The following POLN variants were observed in gnomAD, a reference collection of about 807,000 sequenced individuals.
The protein encoded by POLN is DNA polymerase nu.
Under a neutral mutation model 113.5 loss-of-function variants are expected in POLN, and 108 were observed. The ratio of observed to expected loss-of-function variants is 0.95; its 90% CI spans 0.81 to 1.12. POLN has a LOEUF of 1.12. POLN is among the 50% of genes most tolerant of loss of function. The probability of loss-of-function intolerance (pLI) is 0.00; values close to 1 mark genes in which losing one functional copy is unlikely to be tolerated. For missense variants in POLN, 1,097 were observed against 1,077.1 expected, an observed-to-expected ratio of 1.02 and a Z score of -0.26; for synonymous variants, 386 against 391.5, an observed-to-expected ratio of 0.99 and a Z score of 0.17.
chr4:2,224,794 T>C (rs1734343348), intron 3 of POLN, among the ~76,000 whole-genome samples: 1 of 151,880 alleles, frequency 6.6e-6, no homozygotes, highest in Non-Finnish European at 1.5e-5. Flanking sequence ...CCACTAAAAA[T>C]ACAAAAATTA....
intron 16 of POLN, among the ~76,000 whole-genome samples, chr4:2,134,304 T>A (rs1347500420): frequency 6.6e-6 from 1 of 152,224 alleles, no homozygotes; most frequent in African/African-American, 2.4e-5. Context: ...TGATTATGAA[T>A]AAAGATGCCA....
At chr4:2,237,235 A>T (rs1734797190) in intron 2 of POLN, among the ~76,000 whole-genome samples, 1 of 151,792 alleles carries the variant, frequency 6.6e-6, no homozygotes, top group African/African-American at 2.4e-5. Flanking sequence ...GTTCAAGACC[A>T]GACTTGGCAA....
Position 2,210,632 on chromosome 4 carries a change from A to AT in POLN, c.214-2146_214-2145insA, listed in dbSNP as rs200675785. ...AATAATAATAATAATAATAATAATA[A>AT]AAAAAAGAGGCCGGGCATGGTGGCT... On this transcript the variant is annotated intron_variant, in intron 4 of 25. Transcript: ENST00000511885. 6.3e-3 allele frequency among the ~76,000 whole-genome samples: 526 copies of AT among 84,112 alleles called. 5 individuals are homozygous for AT. Among genetic ancestry groups the AT allele is most frequent in the East Asian group, 0.062 (111 of 1,792 alleles). The allele number at this position is 84,112 out of a possible 152,430, so 55.2% of individuals were successfully genotyped here.
intron 16 of POLN, among the ~76,000 whole-genome samples, chr4:2,156,133 A>T (rs986670597): frequency 2.6e-5 from 4 of 152,198 alleles, no homozygotes; most frequent in African/African-American, 9.7e-5. Context: ...CGCCTGGCCT[A>T]AAAAATTGTA....
At chr4:2,160,240 T>C (rs561620521) in intron 13 of POLN, among the ~76,000 whole-genome samples, 2 of 152,326 alleles carry the variant, frequency 1.3e-5, no homozygotes, top group East Asian at 3.9e-4. Context: ...ATTTGACTAA[T>C]TGTATATCTT....
intron 20 of POLN, among the ~76,000 whole-genome samples, chr4:2,086,754 C>G (rs566412731): frequency 9.5e-4 from 144 of 152,306 alleles, no homozygotes; most frequent in African/African-American, 3.3e-3. Context: ...GCCTGAGGAC[C>G]TGCCTTCCTG....
intron 17 of POLN, among the ~76,000 whole-genome samples, chr4:2,130,531 A>G (rs1305659146): frequency 1.3e-5 from 2 of 152,244 alleles, no homozygotes; most frequent in African/African-American, 2.4e-5. Flanking sequence ...GCTTAAAAGA[A>G]AGAAGAGTGT....
Position 2,127,155 on chromosome 4 carries a change from G to A in POLN, c.1982+958C>T, listed in dbSNP as rs1245514689. Among the ~76,000 whole-genome samples the A allele has an allele frequency of 1.3e-5, 2 of 151,740 alleles. No homozygotes were observed. Among genetic ancestry groups the A allele is most frequent in the Non-Finnish European group, 2.9e-5 (2 of 67,926 alleles). On this transcript the variant is annotated intron_variant, in intron 19 of 25. Coordinates refer to ENST00000511885, the MANE Select transcript of POLN (RefSeq NM_181808.4). The surrounding 1 kb of genome is among the most constrained non-coding windows in gnomAD (Gnocchi z 4.7). ...GTAGGGAGGGGTGAGGGGGCCATAGGGAGGGGTGAGGGGGCCGTAGGGGGA... is the reference window on the plus strand; with the variant it reads ...GTAGGGAGGGGTGAGGGGGCCATAGAGAGGGGTGAGGGGGCCGTAGGGGGA...
At chr4:2,165,010 C>G (rs1732695230) in intron 13 of POLN, among the ~76,000 whole-genome samples, 2 of 152,118 alleles carry the variant, frequency 1.3e-5, no homozygotes, top group Non-Finnish European at 2.9e-5. Flanking sequence ...CCCAGGAAGA[C>G]AGTTTGGCGG....
chr4:2,098,918 G>GCA lies in POLN; in HGVS notation c.1983-2987_1983-2986dup, dbSNP rs4031130. Among the ~76,000 whole-genome samples the GCA allele has an allele frequency of 2.4e-3, 355 of 150,008 alleles. 5 individuals are homozygous for GCA. Among genetic ancestry groups the GCA allele is most frequent in the Middle Eastern group, 3.4e-3 (1 of 290 alleles). ...TGTGTGTGCACATGCACGTGCGTGC[G>GCA]CACACACACACACACACACACACAC... is the stretch of plus-strand genomic sequence containing the variant. On this transcript the variant is annotated intron_variant, in intron 19 of 25. Transcript: ENST00000511885.
Position 2,180,935 on chromosome 4 carries a change from A to G in POLN, c.1022-1470T>C, listed in dbSNP as rs889912408. On this transcript the variant is annotated intron_variant, in intron 7 of 25. Transcript: ENST00000511885. ...AGTAAAACCTGTAAAAAAGTAAGTA[A>G]ATCCGAATAATATACTTAGAAATTA... Among the ~76,000 whole-genome samples the G allele has an allele frequency of 2.7e-4, 41 of 152,186 alleles. 1 individual carries two copies. Among genetic ancestry groups the G allele is most frequent in the Middle Eastern group, 3.2e-3 (1 of 316 alleles).
chr4:2,120,595 G>C (rs1447859785), intron 19 of POLN, among the ~76,000 whole-genome samples: 2 of 152,116 alleles, frequency 1.3e-5, no homozygotes, highest in Non-Finnish European at 2.9e-5. Context: ...CCGGGTTCAA[G>C]TGATTCTCCT....
intron 3 of POLN, among the ~76,000 whole-genome samples, chr4:2,218,851 C>T (rs1734184333): frequency 6.6e-6 from 1 of 152,196 alleles, no homozygotes; most frequent in South Asian, 2.1e-4. Flanking sequence ...TTTGTGGTGT[C>T]AATTGTTATT....
rs145784942 is a variant in POLN at position 2,081,711 on chromosome 4, G to T, written c.2230C>A (p.Pro744Thr). The T allele has an allele frequency of 4.1e-4, 668 of 1,614,122 alleles. 9 individuals are homozygous for T. In the South Asian group the frequency reaches 4.7e-3, roughly 11 times the overall value. Residue 744 changes from proline (P) to threonine (T), a missense_variant, in exon 22 of 26, where the codon CCC (proline) becomes ACC (threonine). By Grantham distance (38) the Pro-to-Thr change is conservative. Transcript: ENST00000511885. ...TCATGAGCGTGAATCCTTGGCAGGG[G>T]TCTCCTTCTGCCCATGATGGACACC... is the stretch of plus-strand genomic sequence containing the variant. ...CVVSIMGRRR[P>T]LPRIHAHDQQ...
chr4:2,193,250 C>T lies in POLN; in HGVS notation c.975G>A (p.Val325=), dbSNP rs761111116. 5.2e-5 allele frequency: 83 copies of T among 1,611,034 alleles called. No individual in the cohort carries two copies. The Admixed American group carries it at 1.3e-3, about 26-fold the overall frequency. The change falls in exon 7 of 26, where the codon GTG becomes GTA. Residue 325 remains valine, a synonymous_variant. Transcript: ENST00000511885. ...TGCCAAAAAACTGCAGCACTATTCT[C>T]ACAAAATCCTTAGCATTAAAACAAA... ...PVICFNAKDF[V]RIVLQFFGND...
intron 4 of POLN, 123 bp downstream of exon 4, chr4:2,212,924 G>A (rs1734027240): frequency 3.8e-6 from 2 of 521,344 alleles, no homozygotes; most frequent in African/African-American, 2.0e-5. Flanking sequence ...GAGCAAGAAC[G>A]CCTCTTTTTT....
chr4:2,182,014 A>C (rs1733155502), intron 7 of POLN, among the ~76,000 whole-genome samples: 1 of 152,114 alleles, frequency 6.6e-6, no homozygotes, highest in Non-Finnish European at 1.5e-5. Flanking sequence ...AAAAAAAAAA[A>C]GATGACTTTA....
At chr4:2,158,968 G>A (rs897576641) in intron 14 of POLN, among the ~76,000 whole-genome samples, 187 bp downstream of exon 14, 1 of 152,128 alleles carries the variant, frequency 6.6e-6, no homozygotes, top group Non-Finnish European at 1.5e-5. Flanking sequence ...GCTGATTGCA[G>A]ACTTCGGTAA....
intron 19 of POLN, among the ~76,000 whole-genome samples, chr4:2,099,274 G>C (rs373356866): frequency 6.6e-6 from 1 of 152,222 alleles, no homozygotes; most frequent in Non-Finnish European, 1.5e-5. Context: ...CGGAGTAGAA[G>C]AGAGTATCTT....
Sources: allele counts gnomAD v4.1 joint callset (sites outside exome capture counted in the v4.1 genomes callset), GRCh38; gene constraint gnomAD v4.1.1; non-coding constraint Gnocchi (gnomAD v3.1); transcripts MANE v1.5; gene names NCBI Gene and HGNC (gene_info 2026-07-23, HGNC 2026-07-21).